MFHAS1: variants seen among roughly 807,000 people sequenced by gnomAD.
The protein encoded by MFHAS1 is multifunctional ROCO family signaling regulator 1.
MFHAS1 carries 50 observed loss-of-function variants against 70.4 expected under a neutral mutation model. That is an observed-to-expected ratio of 0.71 (90% CI 0.57 to 0.90). The LOEUF is 0.90. Among genes scored for constraint, MFHAS1 ranks in the 40% least tolerant of loss-of-function variants. The probability of loss-of-function intolerance (pLI) is 0.00; values close to 1 mark genes in which losing one functional copy is unlikely to be tolerated. For synonymous variants in MFHAS1, 952 were observed against 620.0 expected (o/e 1.54, Z -7.96); for missense variants, 1,795 against 1,347.6 (o/e 1.33, Z -5.20).
intron 1 of MFHAS1, among the ~76,000 whole-genome samples, chr8:8,849,099 G>A (rs1456088153): frequency 2.3e-5 from 2 of 85,796 alleles, no homozygotes; most frequent in African/African-American, 9.5e-5. Flanking sequence ...TTTTTTTGGA[G>A]ACATAGAGTC....
chr8:8,826,480 C>T (rs943957771), intron 1 of MFHAS1, among the ~76,000 whole-genome samples: 11 of 152,146 alleles, frequency 7.2e-5, no homozygotes, highest in Admixed American at 5.2e-4. Flanking sequence ...CGCCTGTAAT[C>T]CCAGCACTTT....
rs559804119 is a variant in MFHAS1 at position 8,821,485 on chromosome 8, GT to G, written c.2999-23995del. On this transcript the variant is annotated intron_variant, in intron 1 of 2. Transcript: ENST00000276282. ...ACAACTCTTATGTCCATACAAAGTT[GT>G]TATTAATGCCACAGGTTATGAAAAT... Among the ~76,000 whole-genome samples the G allele has an allele frequency of 2.1e-3, 318 of 152,314 alleles. 2 individuals are homozygous for G. Among genetic ancestry groups the G allele is most frequent in the African/African-American group, 7.4e-3 (306 of 41,560 alleles).
At chr8:8,885,866 T>C (rs555152486) in intron 1 of MFHAS1, among the ~76,000 whole-genome samples, 309 of 152,284 alleles carry the variant, frequency 2.0e-3, no homozygotes, top group African/African-American at 6.8e-3. Flanking sequence ...TGAGCCACCA[T>C]GCCCAGCTAA....
At chr8:8,868,054 CT>C (rs1460930336) in intron 1 of MFHAS1, among the ~76,000 whole-genome samples, 7 of 152,042 alleles carry the variant, frequency 4.6e-5, no homozygotes, top group African/African-American at 1.7e-4. Context: ...TCCAGACTGA[CT>C]TTTATCATTT....
At chr8:8,854,690 A>C (rs1808368668) in intron 1 of MFHAS1, among the ~76,000 whole-genome samples, 1 of 152,084 alleles carries the variant, frequency 6.6e-6, no homozygotes. Context: ...GTCTCAAAAA[A>C]AAAAAAAGGA....
intron 1 of MFHAS1, among the ~76,000 whole-genome samples, chr8:8,853,563 T>A (rs1179623402): frequency 6.6e-6 from 1 of 151,112 alleles, no homozygotes; most frequent in Non-Finnish European, 1.5e-5. Flanking sequence ...TTAGGTCAGG[T>A]CCTAGCTACG....
At chr8:8,806,225 T>C (rs1422215613) in intron 1 of MFHAS1, among the ~76,000 whole-genome samples, 4 of 152,188 alleles carry the variant, frequency 2.6e-5, no homozygotes, top group Non-Finnish European at 5.9e-5. Context: ...AGTCTTGGCA[T>C]CTCCAGAGTC....
chr8:8,887,687 G>A (rs772321109), intron 1 of MFHAS1, among the ~76,000 whole-genome samples: 2 of 150,310 alleles, frequency 1.3e-5, no homozygotes, highest in African/African-American at 2.4e-5. Context: ...TTTCCACATT[G>A]AAAAAAAATC....
chr8:8,859,385 G>A (rs747457125), intron 1 of MFHAS1, among the ~76,000 whole-genome samples: 19 of 152,140 alleles, frequency 1.2e-4, no homozygotes, highest in Non-Finnish European at 2.2e-4. Context: ...TCCTAACTGT[G>A]GAACTTCTCA....
Position 8,891,653 on chromosome 8 carries a change from C to G in MFHAS1, c.1406G>C (p.Arg469Pro). Residue 469 changes from arginine to proline, a missense_variant, in exon 1 of 3, where the codon CGG becomes CCG. Arg to Pro is a moderately radical substitution (Grantham distance 103, BLOSUM62 -2). Transcript: ENST00000276282. The surrounding 1 kb of genome is among the most constrained non-coding windows in gnomAD (Gnocchi z 5.4). The part of the protein sequence containing the change: ...EVTSWTADAS[R>P]GLRFIVYDLA... ...GTCATACACGATGAACCGCAGGCCC[C>G]GGGAGGCATCGGCCGTCCAGCTGGT... 1 of 1,613,628 alleles carries G rather than the reference C, an allele frequency of 6.2e-7. No homozygotes were observed. The highest frequency in any genetic ancestry group is 8.5e-7 in the Non-Finnish European group (1 of 1,180,032).
chr8:8,820,833 G>A (rs1806925897), intron 1 of MFHAS1, among the ~76,000 whole-genome samples: 1 of 152,208 alleles, frequency 6.6e-6, no homozygotes, highest in African/African-American at 2.4e-5. Context: ...CCAAAGCTGT[G>A]CTGCCATTTG....
chr8:8,858,632 C>G (rs1309007253), intron 1 of MFHAS1, among the ~76,000 whole-genome samples: 2 of 152,086 alleles, frequency 1.3e-5, no homozygotes, highest in African/African-American at 4.8e-5. Flanking sequence ...AGACAGTCCT[C>G]CCTCGGTATA....
At chr8:8,838,494 C>T (rs1319354211) in intron 1 of MFHAS1, among the ~76,000 whole-genome samples, 1 of 152,218 alleles carries the variant, frequency 6.6e-6, no homozygotes, top group Non-Finnish European at 1.5e-5. Flanking sequence ...CTATACCCCA[C>T]ACCTTCTAAT....
At chr8:8,862,329 G>A (rs1585057880) in intron 1 of MFHAS1, among the ~76,000 whole-genome samples, 1 of 149,246 alleles carries the variant, frequency 6.7e-6, no homozygotes, top group Non-Finnish European at 1.5e-5. Flanking sequence ...TCATATTTTG[G>A]AAAATCTCTA....
chr8:8,806,063 G>C (rs776535127), intron 1 of MFHAS1, among the ~76,000 whole-genome samples: 2 of 152,124 alleles, frequency 1.3e-5, no homozygotes, highest in Non-Finnish European at 2.9e-5. Flanking sequence ...ATCCTCTGTA[G>C]CATTGTTCCC....
At chr8:8,864,175 T>G (rs952361386) in intron 1 of MFHAS1, among the ~76,000 whole-genome samples, 1 of 152,242 alleles carries the variant, frequency 6.6e-6, no homozygotes, top group African/African-American at 2.4e-5. Flanking sequence ...TCAGCAGTGA[T>G]TGGCTTTCTG....
At chr8:8,809,532 G>C (rs575009315) in intron 1 of MFHAS1, among the ~76,000 whole-genome samples, 1 of 152,104 alleles carries the variant, frequency 6.6e-6, no homozygotes. Flanking sequence ...CCACTCACTC[G>C]TCCCACCACG....
chr8:8,864,960 C>T (rs1177146461), intron 1 of MFHAS1, among the ~76,000 whole-genome samples: 2 of 151,914 alleles, frequency 1.3e-5, no homozygotes, highest in African/African-American at 4.8e-5. Context: ...CTAGTTTCCA[C>T]CTAGATTAAA....
At position 8,891,017 on chromosome 8, in the gene MFHAS1, A is replaced by T. The variant is rs747417060; in HGVS notation, c.2042T>A (p.Leu681Gln). 3.7e-6 allele frequency: 6 copies of T among 1,613,712 alleles called. No homozygotes were observed. Among genetic ancestry groups the T allele is most frequent in the Non-Finnish European group, 5.1e-6 (6 of 1,179,948 alleles). The change falls in exon 1 of 3, where the codon CTA (leucine) becomes CAA (glutamine). Residue 681 changes from leucine (L) to glutamine (Q), a missense_variant. Transcript: ENST00000276282. This position sits in a 1 kb window ranked among gnomAD's most constrained non-coding sequence, Gnocchi z 5.4. ...FQPPQAQRLWLSWWDSARLGL... is the reference protein window; with the variant it reads ...FQPPQAQRLWQSWWDSARLGL... ...CAAGCGCGCCGAGTCCCACCAGCTTAGCCACAGTCGCTGGGCCTGAGGTGG... is the reference window on the plus strand; with the variant it reads ...CAAGCGCGCCGAGTCCCACCAGCTTTGCCACAGTCGCTGGGCCTGAGGTGG...
Sources: gnomAD v4.1 joint callset for allele counts (sites outside exome capture counted in the v4.1 genomes callset) on GRCh38, gnomAD v4.1.1 for gene constraint, Gnocchi (gnomAD v3.1) non-coding constraint, MANE v1.5 for transcripts, NCBI Gene and HGNC (gene_info 2026-07-23, HGNC 2026-07-21) for gene names.